The following SBNO1 variants were observed in gnomAD, a reference collection of about 807,000 sequenced individuals.
SBNO1 encodes the protein protein strawberry notch homolog 1.
In SBNO1, 23 loss-of-function variants were observed where a neutral mutation model predicts 173.6. The ratio of observed to expected loss-of-function variants is 0.13; its 90% CI spans 0.10 to 0.19. SBNO1 has a LOEUF of 0.19. Ranked by LOEUF, SBNO1 falls within the 10% of genes least tolerant of loss-of-function variation. The probability of loss-of-function intolerance (pLI) is 1.00; values close to 1 mark genes in which losing one functional copy is unlikely to be tolerated. For synonymous variants in SBNO1, 632 were observed against 571.5 expected, an observed-to-expected ratio of 1.11 and a Z score of -1.51; for missense variants, 1,238 against 1,671.2, an observed-to-expected ratio of 0.74 and a Z score of 4.52.
chr12:123,316,523 C>T (rs1283706977), intron 21 of SBNO1, among the ~76,000 whole-genome samples: 2 of 150,822 alleles, frequency 1.3e-5, no homozygotes, highest in Non-Finnish European at 3.0e-5. Context: ...TGCGCCCAGC[C>T]TGTTTTTGTT....
chr12:123,308,411 C>A (rs1395245199), intron 28 of SBNO1, among the ~76,000 whole-genome samples: 1 of 152,158 alleles, frequency 6.6e-6, no homozygotes, highest in Non-Finnish European at 1.5e-5. Context: ...TGGCTCAAGC[C>A]TGTAATCCCA....
At chr12:123,298,231 T>A in intron 30 of SBNO1, 60 bp from the exon 31 acceptor site, 1 of 1,461,686 alleles carries the variant, frequency 6.8e-7, no homozygotes, top group Non-Finnish European at 9.3e-7. Flanking sequence ...GACACGTTTC[T>A]AAAAGATTTA....
At chr12:123,332,949 C>T (rs759850155) in intron 7 of SBNO1, among the ~76,000 whole-genome samples, 7 of 151,908 alleles carry the variant, frequency 4.6e-5, no homozygotes, top group Non-Finnish European at 8.8e-5. Flanking sequence ...ACGGTAAAAC[C>T]CCATCTCCAC....
At chr12:123,350,017 G>A (rs187610050) in intron 2 of SBNO1, among the ~76,000 whole-genome samples, 84 of 152,224 alleles carry the variant, frequency 5.5e-4, no homozygotes, top group African/African-American at 1.9e-3. Context: ...CACTCTGGGA[G>A]GCCGAGGTTG....
rs148245813 is a variant in SBNO1 at position 123,327,756 on chromosome 12, C to T, written c.1489G>A (p.Gly497Ser). The T allele has an allele frequency of 9.9e-6, 16 of 1,613,782 alleles. No individual in the cohort carries two copies. The highest frequency in any genetic ancestry group is 1.3e-5 in the African/African-American group (1 of 74,966). Residue 497 changes from glycine (G) to serine (S), a missense_variant, in exon 12 of 32, where the codon GGT becomes AGT. Physicochemically the swap from Gly to Ser is moderately conservative, Grantham distance 56. This residue lies in a region of SBNO1 where 182 missense variants were observed against 339.9 expected (regional missense o/e 0.54). Coordinates refer to ENST00000602398, the MANE Select transcript of SBNO1 (RefSeq NM_001167856.3). ...YMNRLGIWGE[G>S]TPFREFSDFI... ...TCACTGAATTCTCTAAATGGAGTAC[C>T]CTCACCCCATATGCCAAGACGGTTC...
chr12:123,323,354 T>TTTTTTC (rs1170291209), intron 16 of SBNO1, among the ~76,000 whole-genome samples: 1 of 152,172 alleles, frequency 6.6e-6, no homozygotes, highest in African/African-American at 2.4e-5. Context: ...AACTATTTTC[T>TTTTTTC]TTTTTCTTTT....
chr12:123,319,024 T>G (rs1593355434), intron 20 of SBNO1, among the ~76,000 whole-genome samples: 2 of 150,766 alleles, frequency 1.3e-5, no homozygotes, highest in African/African-American at 2.4e-5. Context: ...AATGCAATGG[T>G]GCAGTCTTGG....
intron 9 of SBNO1, among the ~76,000 whole-genome samples, chr12:123,329,974 G>A (rs1871025979): frequency 6.6e-6 from 1 of 152,146 alleles, no homozygotes; most frequent in African/African-American, 2.4e-5. Context: ...AGTAACTCAA[G>A]TCCATTAGCT....
At chr12:123,316,488 T>C (rs1869282778) in intron 21 of SBNO1, among the ~76,000 whole-genome samples, 1 of 152,140 alleles carries the variant, frequency 6.6e-6, no homozygotes, top group East Asian at 1.9e-4. Flanking sequence ...CCTGCCAAAG[T>C]GCTGGGATTA....
chr12:123,313,841 C>A (rs1868925007), intron 23 of SBNO1, 122 bp from the exon 24 acceptor site: 2 of 570,150 alleles, frequency 3.5e-6, no homozygotes, highest in Non-Finnish European at 6.2e-6. Flanking sequence ...GTAATCCCAG[C>A]ACTTTGGGAG....
At chr12:123,342,406 G>A (rs1261895049) in intron 4 of SBNO1, among the ~76,000 whole-genome samples, 2 of 151,964 alleles carry the variant, frequency 1.3e-5, no homozygotes, top group Non-Finnish European at 2.9e-5. Flanking sequence ...AGCCGAGATC[G>A]CGCCACTGCA....
intron 27 of SBNO1, 34 bp from the exon 28 acceptor site, chr12:123,309,436 C>A: frequency 6.2e-7 from 1 of 1,602,524 alleles, no homozygotes; most frequent in Non-Finnish European, 8.6e-7. Context: ...AAACTCATTT[C>A]TGTAAATGCA....
chr12:123,313,615 G>C lies in SBNO1; in HGVS notation c.3220+5C>G, dbSNP rs370664879. The stretch of plus-strand genomic sequence containing the variant: ...GTCATTGTTATGAATATTTGTAGAA[G>C]TTACCTTTAAAAAATTCTCCAGGAT... On this transcript the variant is annotated splice_donor_5th_base_variant and intron_variant, in intron 24 of 31. Transcript: ENST00000602398. 99 of 1,420,164 alleles carry C rather than the reference G, an allele frequency of 7.0e-5. No individual in the cohort carries two copies. The highest frequency in any genetic ancestry group is 5.4e-4 in the Middle Eastern group (3 of 5,506). 88.0% of individuals were successfully genotyped at this position (1,420,164 alleles called of 1,614,324 possible). A position where few individuals can be genotyped will look rare whatever the true frequency, so the allele number is the denominator to read the frequency against.
chr12:123,329,697 C>T (rs576080591), intron 9 of SBNO1, among the ~76,000 whole-genome samples: 5 of 152,194 alleles, frequency 3.3e-5, no homozygotes, highest in African/African-American at 1.2e-4. Flanking sequence ...CCAGTAAAAC[C>T]CACCCTAACA....
intron 1 of SBNO1, among the ~76,000 whole-genome samples, chr12:123,361,056 C>T (rs567258042): frequency 6.6e-6 from 1 of 151,970 alleles, no homozygotes; most frequent in Non-Finnish European, 1.5e-5. Context: ...CAATCCTGGT[C>T]AAAATGGTAA....
At chr12:123,299,214 A>C (rs2048700103) in intron 30 of SBNO1, among the ~76,000 whole-genome samples, 1 of 152,120 alleles carries the variant, frequency 6.6e-6, no homozygotes, top group Non-Finnish European at 1.5e-5. Flanking sequence ...TAAAAATACA[A>C]AAAATTAGCC....
At chr12:123,356,400 C>T (rs1319447204) in intron 1 of SBNO1, among the ~76,000 whole-genome samples, 1 of 152,182 alleles carries the variant, frequency 6.6e-6, no homozygotes, top group Non-Finnish European at 1.5e-5. Context: ...ACTTTGTTAG[C>T]AATCCATTAA....
At chr12:123,317,870 C>A (rs1869472736) in intron 20 of SBNO1, among the ~76,000 whole-genome samples, 1 of 152,298 alleles carries the variant, frequency 6.6e-6, no homozygotes, top group South Asian at 2.1e-4. Flanking sequence ...TAATGTAATT[C>A]CTAATGCATA....
chr12:123,307,020 T>TAAAAAAAAAAAAAAAAAAAAAAA (rs34105162), intron 28 of SBNO1, among the ~76,000 whole-genome samples: 6 of 64,432 alleles, frequency 9.3e-5, no homozygotes, highest in Non-Finnish European at 1.6e-4. Flanking sequence ...TCAACTGCAT[T>TAAAAAAAAAAAAAAAAAAAAAAA]AAAAAAAAAA....
Sources: allele counts gnomAD v4.1 joint callset (sites outside exome capture counted in the v4.1 genomes callset), GRCh38; gene constraint gnomAD v4.1.1; regional missense constraint gnomAD v4.1.1; transcripts MANE v1.5; gene names NCBI Gene and HGNC (gene_info 2026-07-23, HGNC 2026-07-21).